Variants in EML4 observed in about 807,000 individuals in gnomAD.
EML4 encodes the protein echinoderm microtubule-associated protein-like 4.
Under a neutral mutation model 129.0 loss-of-function variants are expected in EML4, and 72 were observed. The observed-to-expected ratio is 0.56, with a 90% confidence interval of 0.46 to 0.68. EML4 has a LOEUF of 0.68. Ranked by LOEUF, EML4 falls within the 30% of genes least tolerant of loss-of-function variation. The pLI is 0.00. For synonymous variants in EML4, 532 were observed against 405.0 expected, an observed-to-expected ratio of 1.31 and a Z score of -3.77; for missense variants, 1,363 against 1,190.6, an observed-to-expected ratio of 1.14 and a Z score of -2.13.
At chr2:42,247,545 A>G (rs367947688) in intron 2 of EML4, among the ~76,000 whole-genome samples, 112 of 152,228 alleles carry the variant, frequency 7.4e-4, no homozygotes, top group African/African-American at 2.4e-3. Flanking sequence ...GATCTTTTTC[A>G]TTAGTGATAG....
chr2:42,261,417 C>T, intron 4 of EML4, 123 bp downstream of exon 4: 2 of 768,594 alleles, frequency 2.6e-6, no homozygotes, highest in Admixed American at 2.7e-5. Context: ...TTATTTTTCC[C>T]TTCTTCATTG....
At chr2:42,223,099 C>G (rs767442184) in intron 1 of EML4, among the ~76,000 whole-genome samples, 8 of 152,100 alleles carry the variant, frequency 5.3e-5, no homozygotes, top group Non-Finnish European at 1.2e-4. Flanking sequence ...GCCACCGTGC[C>G]TGGCCAATAT....
chr2:42,225,610 A>G (rs903675368), intron 1 of EML4, among the ~76,000 whole-genome samples: 1 of 152,172 alleles, frequency 6.6e-6, no homozygotes, highest in Middle Eastern at 3.2e-3. Context: ...TAACGTTGCC[A>G]GACTTTATTT....
intron 1 of EML4, among the ~76,000 whole-genome samples, chr2:42,243,273 T>G (rs1227326553): frequency 6.6e-6 from 1 of 152,170 alleles, no homozygotes; most frequent in Non-Finnish European, 1.5e-5. Flanking sequence ...GAAAGAATTT[T>G]GGGTAGAAAG....
intron 1 of EML4, among the ~76,000 whole-genome samples, chr2:42,226,220 A>G (rs1442435519): frequency 6.6e-6 from 1 of 152,146 alleles, no homozygotes; most frequent in East Asian, 1.9e-4. Flanking sequence ...TGAGATAAAA[A>G]TATACATACT....
rs930007713 is a variant in EML4 at position 42,173,693 on chromosome 2, A to C, written c.25+4057A>C. On this transcript the variant is annotated intron_variant, in intron 1 of 22. Transcript: ENST00000318522. Reference sequence around the variant, plus strand: ...GCAAGACCCTGTCTCTGCAAAAAAAACAAAAATAGGCATAGTGGCATGTGC... The same window carrying C: ...GCAAGACCCTGTCTCTGCAAAAAAACCAAAAATAGGCATAGTGGCATGTGC... 5.3e-5 allele frequency among the ~76,000 whole-genome samples: 8 copies of C among 151,846 alleles called. 1 individual carries two copies. The highest frequency in any genetic ancestry group is 4.6e-4 in the Admixed American group (7 of 15,242).
chr2:42,216,686 G>T (rs1673213731), intron 1 of EML4, among the ~76,000 whole-genome samples: 1 of 152,106 alleles, frequency 6.6e-6, no homozygotes, highest in Non-Finnish European at 1.5e-5. Flanking sequence ...TTGAATGTGT[G>T]ACATTTTAAA....
At chr2:42,200,981 A>G (rs1186859084) in intron 1 of EML4, among the ~76,000 whole-genome samples, 1 of 152,178 alleles carries the variant, frequency 6.6e-6, no homozygotes, top group Non-Finnish European at 1.5e-5. Context: ...CTAAGAAATT[A>G]AGTGAATTGC....
At chr2:42,290,362 A>C (rs1405812387) in intron 11 of EML4, among the ~76,000 whole-genome samples, 1 of 152,120 alleles carries the variant, frequency 6.6e-6, no homozygotes, top group Non-Finnish European at 1.5e-5. Flanking sequence ...AAAATTCAGT[A>C]AGGCGAGGGC....
chr2:42,294,661 C>T (rs1170792185), intron 11 of EML4, among the ~76,000 whole-genome samples: 1 of 151,814 alleles, frequency 6.6e-6, no homozygotes, highest in Non-Finnish European at 1.5e-5. Flanking sequence ...ACTCCATTTG[C>T]ACTCTAGCCT....
At chr2:42,177,439 G>T (rs2103816397) in intron 1 of EML4, among the ~76,000 whole-genome samples, 1 of 152,084 alleles carries the variant, frequency 6.6e-6, no homozygotes, top group East Asian at 1.9e-4. Flanking sequence ...TGGGCAACAT[G>T]GTGAGAACCC....
chr2:42,296,847 C>A (rs908253569), intron 13 of EML4, among the ~76,000 whole-genome samples: 1 of 152,142 alleles, frequency 6.6e-6, no homozygotes, highest in Non-Finnish European at 1.5e-5. Flanking sequence ...TTCAGATGCT[C>A]CTTGACTTCT....
intron 1 of EML4, among the ~76,000 whole-genome samples, chr2:42,187,370 C>G (rs1305806189): frequency 2.0e-5 from 3 of 152,080 alleles, no homozygotes; most frequent in African/African-American, 7.2e-5. Flanking sequence ...TCTAGAATTT[C>G]ACATGACTGG....
intron 13 of EML4, among the ~76,000 whole-genome samples, chr2:42,296,918 A>G (rs1396031172): frequency 6.6e-6 from 1 of 152,238 alleles, no homozygotes; most frequent in Non-Finnish European, 1.5e-5. Context: ...TTGAACCAAC[A>G]TAAGTTAGGC....
chr2:42,273,060 A>G (rs1666460736), intron 6 of EML4, among the ~76,000 whole-genome samples: 1 of 152,142 alleles, frequency 6.6e-6, no homozygotes, highest in Admixed American at 6.5e-5. Context: ...CAGGGTGTTA[A>G]ATATTTTGAC....
At chr2:42,312,946 CTTTT>C (rs753939714) in intron 17 of EML4, among the ~76,000 whole-genome samples, 6 of 114,298 alleles carry the variant, frequency 5.2e-5, no homozygotes, top group African/African-American at 3.7e-5. Flanking sequence ...CAATGTATAT[CTTTT>C]TTTTTTTTTT....
chr2:42,291,398 CT>C (rs5830720), intron 11 of EML4, among the ~76,000 whole-genome samples: 17,820 of 121,306 alleles, frequency 0.15, 428 homozygotes, highest in South Asian at 0.2. Flanking sequence ...ATCAAGACAC[CT>C]TTTTTTTTTT....
At chr2:42,321,522 A>G (rs764481160) in intron 19 of EML4, among the ~76,000 whole-genome samples, 2 of 152,120 alleles carry the variant, frequency 1.3e-5, no homozygotes, top group Non-Finnish European at 2.9e-5. Context: ...ACATCATAAC[A>G]TGCTGCTGGA....
chr2:42,258,963 G>T, intron 3 of EML4, among the ~76,000 whole-genome samples: 1 of 152,142 alleles, frequency 6.6e-6, no homozygotes, highest in East Asian at 1.9e-4. Context: ...ACATGTAAAT[G>T]GGACCGGATG....
Sources: gnomAD v4.1 joint callset for allele counts (sites outside exome capture counted in the v4.1 genomes callset) on GRCh38, gnomAD v4.1.1 for gene constraint, MANE v1.5 for transcripts, NCBI Gene and HGNC (gene_info 2026-07-23, HGNC 2026-07-21) for gene names.